SGCD: variants seen among roughly 807,000 people sequenced by gnomAD.
SGCD encodes delta-sarcoglycan.
In SGCD, 18 loss-of-function variants were observed where a neutral mutation model predicts 36.6. The observed-to-expected ratio is 0.49, with a 90% confidence interval of 0.34 to 0.73. The LOEUF is 0.73. Ranked by LOEUF, SGCD falls within the 30% of genes least tolerant of loss-of-function variation. The pLI is 0.01. For missense variants in SGCD, 387 were observed against 346.7 expected (o/e 1.12, Z -0.92); for synonymous variants, 133 against 130.6 (o/e 1.02, Z -0.12).
At chr5:155,809,554 G>A in the SGCD span, among the ~76,000 whole-genome samples, 1 of 152,084 alleles carries the variant, frequency 6.6e-6, no homozygotes, top group South Asian at 2.1e-4. Flanking sequence ...GTGTGATCAA[G>A]AGTTCTAGAT....
chr5:156,471,251 T>G (rs1271241694), intron 3 of SGCD, among the ~76,000 whole-genome samples: 2 of 152,206 alleles, frequency 1.3e-5, no homozygotes, highest in African/African-American at 4.8e-5. Flanking sequence ...ATCTATAGTG[T>G]TAATGCCGTC....
intron 4 of SGCD, among the ~76,000 whole-genome samples, chr5:156,588,396 T>C (rs1041452660): frequency 6.6e-6 from 1 of 152,204 alleles, no homozygotes. Flanking sequence ...TGAAATACAG[T>C]CATACCCTCT....
chr5:156,667,944 TA>T (rs1753122728), intron 7 of SGCD, among the ~76,000 whole-genome samples: 2 of 152,216 alleles, frequency 1.3e-5, no homozygotes, highest in African/African-American at 4.8e-5. Context: ...TGCTTACATT[TA>T]CTATTAACAA....
chr5:155,766,963 C>T, the SGCD span, among the ~76,000 whole-genome samples: 1,654 of 152,212 alleles, frequency 0.011, 17 homozygotes, highest in Middle Eastern at 0.041. Context: ...CATGCTCTCC[C>T]AGGCTTCTTC....
chr5:156,669,833 C>G (rs1753213949), intron 7 of SGCD, among the ~76,000 whole-genome samples: 1 of 152,124 alleles, frequency 6.6e-6, no homozygotes, highest in African/African-American at 2.4e-5. Flanking sequence ...AACTGATGCT[C>G]TAAACATCCT....
intron 7 of SGCD, among the ~76,000 whole-genome samples, chr5:156,698,808 C>T (rs1229483887): frequency 8.7e-5 from 13 of 148,738 alleles, no homozygotes; most frequent in East Asian, 5.9e-4. Flanking sequence ...CAGTAATATC[C>T]GGCTTATTAT....
chr5:155,934,048 A>G (rs561022565), intron 1 of SGCD, among the ~76,000 whole-genome samples: 1 of 152,204 alleles, frequency 6.6e-6, no homozygotes, highest in Non-Finnish European at 1.5e-5. Context: ...CATGGTACTC[A>G]TCAAAATTCA....
At chr5:156,070,452 G>A (rs1474022321) in intron 1 of SGCD, among the ~76,000 whole-genome samples, 1 of 150,564 alleles carries the variant, frequency 6.6e-6, no homozygotes, top group Non-Finnish European at 1.5e-5. Flanking sequence ...TGTGTATATT[G>A]AACCAGACTT....
chr5:156,323,262 G>A (rs188118020), upstream of SGCD, among the ~76,000 whole-genome samples: 74 of 152,186 alleles, frequency 4.9e-4, 1 homozygote, highest in African/African-American at 1.7e-3. Context: ...CTCTCTTTGC[G>A]TTAGATCCAG....
At chr5:156,210,460 C>G (rs139568735) in intron 3 of SGCD, among the ~76,000 whole-genome samples, 1 of 151,792 alleles carries the variant, frequency 6.6e-6, no homozygotes, top group Admixed American at 6.6e-5. Context: ...AGTAGCTGAC[C>G]CCTAAGAAAT....
rs185669593 is a variant in SGCD, at chr5:156,218,632, G to T, written c.-44+94613G>T. On this transcript the variant is annotated intron_variant, in intron 3 of 9. Transcript: ENST00000517913. Reference sequence around the variant, plus strand: ...CTGGCCTGAATTTTGTGTGAGAAAGGTCAGAGTCATAAGCCAGGTTCCATT... The same window carrying T: ...CTGGCCTGAATTTTGTGTGAGAAAGTTCAGAGTCATAAGCCAGGTTCCATT... 5.3e-5 allele frequency among the ~76,000 whole-genome samples: 8 copies of T among 152,196 alleles called. No individual in the cohort carries two copies. In the East Asian group the frequency reaches 1.5e-3, roughly 29 times the overall value.
At chr5:155,776,632 C>A in the SGCD span, among the ~76,000 whole-genome samples, 1 of 151,516 alleles carries the variant, frequency 6.6e-6, no homozygotes, top group African/African-American at 2.4e-5. Flanking sequence ...CTTTCCGCAA[C>A]ACCCCCCACC....
chr5:156,428,888 A>G (rs1773790947), intron 3 of SGCD, among the ~76,000 whole-genome samples: 1 of 152,010 alleles, frequency 6.6e-6, no homozygotes, highest in Non-Finnish European at 1.5e-5. Context: ...TTCCACTGTG[A>G]TCAGAGAAGA....
At chr5:156,633,151 T>C (rs971068996) in intron 6 of SGCD, among the ~76,000 whole-genome samples, 9 of 152,178 alleles carry the variant, frequency 5.9e-5, no homozygotes, top group African/African-American at 2.2e-4. Context: ...CCCAAACCTA[T>C]GTTTGGAAGT....
At chr5:156,406,930 G>T (rs9313914) in intron 3 of SGCD, among the ~76,000 whole-genome samples, 79,693 of 149,554 alleles carry the variant, frequency 0.53, 21,921 homozygotes, top group Middle Eastern at 0.67. Context: ...CTTGAGGAGT[G>T]AGGAGAGCCA....
At chr5:156,587,305 G>A (rs894953923) in intron 4 of SGCD, among the ~76,000 whole-genome samples, 2 of 152,132 alleles carry the variant, frequency 1.3e-5, no homozygotes, top group African/African-American at 2.4e-5. Context: ...GTGCTGTCTC[G>A]TGGTTTTCAC....
At chr5:156,508,823 T>C (rs1053195527) in intron 4 of SGCD, 121 bp downstream of exon 4, 3 of 561,770 alleles carry the variant, frequency 5.3e-6, no homozygotes, top group Non-Finnish European at 9.4e-6. Flanking sequence ...GGTATTAAGA[T>C]GAATTTGCTT....
At chr5:156,003,572 A>C (rs1160724002) in intron 1 of SGCD, among the ~76,000 whole-genome samples, 1 of 152,200 alleles carries the variant, frequency 6.6e-6, no homozygotes, top group Non-Finnish European at 1.5e-5. Context: ...CCAGTGTTTG[A>C]TACATCTGGG....
chr5:156,489,883 A>G (rs964429835), intron 3 of SGCD, among the ~76,000 whole-genome samples: 3 of 152,024 alleles, frequency 2.0e-5, no homozygotes, highest in African/African-American at 7.2e-5. Context: ...CAATAGAACT[A>G]AATAAAATAG....
Sources: allele counts gnomAD v4.1 joint callset (sites outside exome capture counted in the v4.1 genomes callset), GRCh38; gene constraint gnomAD v4.1.1; transcripts MANE v1.5; gene names NCBI Gene and HGNC (gene_info 2026-07-23, HGNC 2026-07-21).